Variants in ATP10B observed in about 807,000 individuals in gnomAD.
ATP10B encodes the protein phospholipid-transporting ATPase VB.
In ATP10B, 122 loss-of-function variants were observed where a neutral mutation model predicts 141.2. The observed-to-expected ratio is 0.86, with a 90% confidence interval of 0.75 to 1.00. The LOEUF is 1.00. Ranked by LOEUF, ATP10B falls within the 50% of genes least tolerant of loss-of-function variation. The probability of loss-of-function intolerance (pLI) is 0.00; values close to 1 mark genes in which losing one functional copy is unlikely to be tolerated. For synonymous variants in ATP10B, 685 were observed against 692.0 expected, an observed-to-expected ratio of 0.99 and a Z score of 0.16; for missense variants, 1,876 against 1,825.3, an observed-to-expected ratio of 1.03 and a Z score of -0.51.
intron 22 of ATP10B, among the ~76,000 whole-genome samples, chr5:160,598,273 A>G (rs1270810906): frequency 1.3e-5 from 2 of 151,886 alleles, no homozygotes; most frequent in Non-Finnish European, 1.5e-5. Context: ...CATTCTCAGT[A>G]AACTATTGCA....
upstream of ATP10B, among the ~76,000 whole-genome samples, chr5:160,855,721 T>G (rs541988635): frequency 1.3e-5 from 2 of 151,932 alleles, no homozygotes; most frequent in Non-Finnish European, 1.5e-5. Context: ...TATAATTTTA[T>G]GAATTACATT....
chr5:160,870,739 CA>C, the ATP10B span, among the ~76,000 whole-genome samples: 22 of 148,402 alleles, frequency 1.5e-4, no homozygotes, highest in African/African-American at 2.5e-4. Flanking sequence ...GGAGAAATGC[CA>C]AAAAAAAACA....
chr5:160,638,459 C>T (rs1432891448), intron 10 of ATP10B, among the ~76,000 whole-genome samples: 3 of 152,164 alleles, frequency 2.0e-5, no homozygotes, highest in African/African-American at 7.2e-5. Context: ...ACACAGGTGG[C>T]CAAATGGGCT....
At chr5:160,689,668 A>G (rs2127748950) in intron 3 of ATP10B, among the ~76,000 whole-genome samples, 1 of 152,308 alleles carries the variant, frequency 6.6e-6, no homozygotes, top group East Asian at 1.9e-4. Flanking sequence ...ACAACTTACA[A>G]GGGATGTGAG....
chr5:160,912,414 CAAAAAAAAAAA>C, the ATP10B span, among the ~76,000 whole-genome samples: 41,823 of 89,022 alleles, frequency 0.47, 7,115 homozygotes, highest in African/African-American at 0.54. Flanking sequence ...CTGTTTCTAC[CAAAAAAAAAAA>C]AAAAAAAAAA....
rs371579965 is a variant in ATP10B, at chr5:160,847,336, TTC to T, written c.-576+4603_-576+4604del. The stretch of plus-strand genomic sequence containing the variant: ...AAGGAAGAGAAGCAAGTTTCGCCAT[TTC>T]TCTGTTTTTAGGTCTCCAGATTCAC... On this transcript the variant is annotated intron_variant, in intron 1 of 25. Coordinates refer to ENST00000327245, the MANE Select transcript of ATP10B (RefSeq NM_025153.3). Among the ~76,000 whole-genome samples the T allele has an allele frequency of 3.0e-4, 45 of 152,334 alleles. No homozygotes were observed. In the South Asian group the frequency reaches 8.1e-3, roughly 27 times the overall value.
Position 160,785,779 on chromosome 5 carries a change from TTC to T in ATP10B, c.-553_-552del. The T allele has an allele frequency of 1.1e-6, 1 of 885,582 alleles. No individual in the cohort carries two copies. The highest frequency in any genetic ancestry group is 6.4e-5 in the East Asian group (1 of 15,536). 54.9% of individuals were successfully genotyped at this position (885,582 alleles called of 1,614,324 possible). A position where few individuals can be genotyped will look rare whatever the true frequency, so the allele number is the denominator to read the frequency against. On this transcript the variant is annotated 5_prime_UTR_variant, in exon 2 of 26. Transcript: ENST00000327245. ...CATTGAAACAAATGTCACCAGTCGG[TTC>T]TGATTCTCTTGTCAAAGGAAGCCTG...
At chr5:160,584,088 A>AG (rs371671686) in intron 24 of ATP10B, among the ~76,000 whole-genome samples, 19 of 152,066 alleles carry the variant, frequency 1.2e-4, no homozygotes, top group Middle Eastern at 3.4e-3. Flanking sequence ...GAAAAAAAAA[A>AG]CAAAACTCCT....
chr5:160,602,731 T>A, intron 20 of ATP10B, 29 bp from the exon 21 acceptor site: 1 of 1,612,882 alleles, frequency 6.2e-7, no homozygotes, highest in South Asian at 1.1e-5. Context: ...CACATCAGCT[T>A]CCATCCATGG....
At chr5:160,838,407 C>A (rs181042912) in intron 1 of ATP10B, among the ~76,000 whole-genome samples, 2 of 152,156 alleles carry the variant, frequency 1.3e-5, no homozygotes, top group Non-Finnish European at 2.9e-5. Context: ...TCAGGCAGGG[C>A]CAACCACTTG....
chr5:160,677,062 C>A (rs1170657621), intron 6 of ATP10B, among the ~76,000 whole-genome samples: 3 of 152,094 alleles, frequency 2.0e-5, no homozygotes, highest in Non-Finnish European at 4.4e-5. Flanking sequence ...AGAACAGGAG[C>A]CTCACCTTTT....
intron 1 of ATP10B, among the ~76,000 whole-genome samples, chr5:160,789,905 C>A (rs1771444498): frequency 6.6e-6 from 1 of 152,172 alleles, no homozygotes; most frequent in South Asian, 2.1e-4. Flanking sequence ...ACAATGTATT[C>A]ATTCATTCAT....
At chr5:160,906,957 C>G in the ATP10B span, among the ~76,000 whole-genome samples, 1 of 152,122 alleles carries the variant, frequency 6.6e-6, no homozygotes, top group Non-Finnish European at 1.5e-5. Flanking sequence ...GTGACTTATT[C>G]CTAACTAATA....
intron 2 of ATP10B, among the ~76,000 whole-genome samples, chr5:160,723,978 C>G (rs561196484): frequency 6.6e-6 from 1 of 152,052 alleles, no homozygotes; most frequent in Non-Finnish European, 1.5e-5. Context: ...ATGTCCTTTG[C>G]GGGGACATGG....
intron 15 of ATP10B, among the ~76,000 whole-genome samples, chr5:160,619,862 G>A (rs570362108): frequency 4.6e-5 from 7 of 152,156 alleles, no homozygotes; most frequent in Admixed American, 1.3e-4. Flanking sequence ...CAGAATTCTG[G>A]CAGCATGAAA....
the ATP10B span, among the ~76,000 whole-genome samples, chr5:160,918,270 G>A: frequency 6.6e-6 from 1 of 152,328 alleles, no homozygotes; most frequent in South Asian, 2.1e-4. Context: ...GTTATAATTA[G>A]AAGTGGCAAT....
At chr5:160,712,397 G>C (rs1765405701) in intron 3 of ATP10B, among the ~76,000 whole-genome samples, 1 of 4,074 alleles carries the variant, frequency 2.5e-4, no homozygotes, top group Non-Finnish European at 3.9e-4. Context: ...TAGTTTATTT[G>C]CATAGAGGTG....
At chr5:160,894,015 G>A in the ATP10B span, among the ~76,000 whole-genome samples, 4 of 152,130 alleles carry the variant, frequency 2.6e-5, no homozygotes, top group Non-Finnish European at 2.9e-5. Flanking sequence ...TAAAAAGGAC[G>A]TCCACACAAA....
intron 6 of ATP10B, among the ~76,000 whole-genome samples, chr5:160,681,039 C>T (rs1373689679): frequency 6.6e-6 from 1 of 152,200 alleles, no homozygotes; most frequent in Non-Finnish European, 1.5e-5. Context: ...TTGGTGAGAG[C>T]TGGATCTAGG....
Sources: allele counts gnomAD v4.1 joint callset (sites outside exome capture counted in the v4.1 genomes callset), GRCh38; gene constraint gnomAD v4.1.1; transcripts MANE v1.5; gene names NCBI Gene and HGNC (gene_info 2026-07-23, HGNC 2026-07-21).